Variants in ATP6V1C2 observed in about 807,000 individuals in gnomAD.
ATP6V1C2 encodes V-type proton ATPase subunit C 2.
A neutral mutation model predicts 56.8 loss-of-function variants in ATP6V1C2; 45 were observed. The observed-to-expected ratio is 0.79, with a 90% CI of 0.62 to 1.02. ATP6V1C2 has a LOEUF of 1.02. Among genes scored for constraint, ATP6V1C2 ranks in the 50% least tolerant of loss-of-function variants. The pLI is 0.00. For missense variants in ATP6V1C2, 463 were observed against 519.7 expected, an observed-to-expected ratio of 0.89 and a Z score of 1.06; for synonymous variants, 220 against 201.3, an observed-to-expected ratio of 1.09 and a Z score of -0.79.
At position 10,777,679 on chromosome 2, in the gene ATP6V1C2, C is replaced by T. The variant is rs750384235; in HGVS notation, c.920C>T (p.Ala307Val). The change falls in exon 11 of 14, where the codon GCG becomes GTG. Residue 307 changes from alanine (A) to valine (V), a missense_variant. Transcript: ENST00000272238. Reference protein sequence around the residue: ...TPLGNPDRPAAGQTDRERESE... With the variant: ...TPLGNPDRPAVGQTDRERESE... ...CTAGGTAACCCTGATAGGCCTGCTGCGGGGCAGACCGACAGAGAGAGAGAG... is the reference window on the plus strand; with the variant it reads ...CTAGGTAACCCTGATAGGCCTGCTGTGGGGCAGACCGACAGAGAGAGAGAG... 19 of 1,613,812 alleles carry T rather than the reference C, an allele frequency of 1.2e-5. No individual in the cohort carries two copies. The highest frequency in any genetic ancestry group is 1.1e-4 in the African/African-American group (8 of 74,894).
In ATP6V1C2 at chr2:10,780,314, C is replaced by T. The variant is rs909714478; in HGVS notation, c.1061+1645C>T. 6.6e-6 allele frequency among the ~76,000 whole-genome samples: 1 copy of T among 152,228 alleles called. No individual in the cohort carries two copies. The highest frequency in any genetic ancestry group is 2.4e-5 in the African/African-American group (1 of 41,452). On this transcript the variant is annotated intron_variant, in intron 12 of 13. Coordinates refer to ENST00000272238, the MANE Select transcript of ATP6V1C2 (RefSeq NM_001039362.2). The surrounding 1 kb of genome is among the most constrained non-coding windows in gnomAD (Gnocchi z 4.1). ...ACAGGCCCGGTCCACTCCGCCTTTG[C>T]ACTCTCTCTTTCACGGGTCTGGCCC...
At chr2:10,760,026 T>G (rs1466754669) in intron 4 of ATP6V1C2, among the ~76,000 whole-genome samples, 10 of 93,890 alleles carry the variant, frequency 1.1e-4, no homozygotes, top group South Asian at 3.4e-4. Context: ...GTTTTTTGTT[T>G]TTTGTTTTTT....
chr2:10,740,234 TAA>T (rs1662475593), intron 3 of ATP6V1C2, among the ~76,000 whole-genome samples: 1 of 152,230 alleles, frequency 6.6e-6, no homozygotes, highest in Non-Finnish European at 1.5e-5. Context: ...CAAGTGCTTT[TAA>T]GAAGCTTGGT....
chr2:10,775,263 C>A lies in ATP6V1C2; in HGVS notation c.825+192C>A, dbSNP rs190756770. On this transcript the variant is annotated intron_variant, in intron 10 of 13. Transcript: ENST00000272238. ...GGGAGGGGCGGTGAGCACAAAGGAGCCCAGGCGGTGGAGCTGGGGGCGGGA... is the reference window on the plus strand; with the variant it reads ...GGGAGGGGCGGTGAGCACAAAGGAGACCAGGCGGTGGAGCTGGGGGCGGGA... Among the ~76,000 whole-genome samples, 1,076 of 152,302 alleles carry A rather than the reference C, an allele frequency of 7.1e-3. 5 individuals are homozygous for A. The highest frequency in any genetic ancestry group is 0.012 in the Non-Finnish European group (817 of 68,014).
At chr2:10,721,272 A>C (rs1332916450), upstream of ATP6V1C2, among the ~76,000 whole-genome samples, 2 of 152,156 alleles carry the variant, frequency 1.3e-5, no homozygotes, top group African/African-American at 4.8e-5. Context: ...GTGGGTGGGC[A>C]AGCGGGGCTG....
At chr2:10,762,721 C>T (rs1343125022) in intron 4 of ATP6V1C2, among the ~76,000 whole-genome samples, 2 of 152,114 alleles carry the variant, frequency 1.3e-5, no homozygotes, top group African/African-American at 2.4e-5. Flanking sequence ...CTCCCACCTC[C>T]ATGGCTGCCC....
intron 3 of ATP6V1C2, among the ~76,000 whole-genome samples, chr2:10,745,386 ACT>A (rs1409679862): frequency 1.8e-5 from 2 of 112,582 alleles, no homozygotes; most frequent in Admixed American, 1.8e-4. Flanking sequence ...ACAGAGTCTC[ACT>A]CTGTCGCCCA....
At position 10,780,269 on chromosome 2, in the gene ATP6V1C2, G is replaced by C. The variant is rs1665265657; in HGVS notation, c.1061+1600G>C. Among the ~76,000 whole-genome samples the C allele has an allele frequency of 6.6e-6, 1 of 151,866 alleles. No homozygotes were observed. The highest frequency in any genetic ancestry group is 2.4e-5 in the African/African-American group (1 of 41,306). ...CCCCTTATCAGACCCCAAACTTCAG[G>C]GTCAGTTTAGACACCCCTGACAGGC... is the stretch of plus-strand genomic sequence containing the variant. On this transcript the variant is annotated intron_variant, in intron 12 of 13. Transcript: ENST00000272238. The surrounding 1 kb of genome is among the most constrained non-coding windows in gnomAD (Gnocchi z 4.1).
At chr2:10,735,581 T>C (rs1161795286) in intron 3 of ATP6V1C2, among the ~76,000 whole-genome samples, 5 of 151,526 alleles carry the variant, frequency 3.3e-5, no homozygotes, top group Non-Finnish European at 5.9e-5. Flanking sequence ...ACAAATCTCC[T>C]GGTCTTTTTT....
chr2:10,767,217 G>A (rs1411170486), intron 5 of ATP6V1C2, among the ~76,000 whole-genome samples: 1 of 133,382 alleles, frequency 7.5e-6, no homozygotes, highest in Non-Finnish European at 1.5e-5. Context: ...CTGGAGTGCA[G>A]TGGTGTGATC....
At chr2:10,722,444 C>T (rs77968963) in intron 1 of ATP6V1C2, among the ~76,000 whole-genome samples, 29,898 of 152,126 alleles carry the variant, frequency 0.2, 3,876 homozygotes, top group Non-Finnish European at 0.29. Flanking sequence ...TCCTCCACCC[C>T]ATCCTGCATC....
rs4027224 is a variant in ATP6V1C2 at position 10,776,302 on chromosome 2, A to AGT, written c.825+1241_825+1242dup. ...GTGTGCGCGCGCACGTGCATGTATGAGTGTGTGTGTGGACCTGTGTGTGCA... is the reference window on the plus strand; with the variant it reads ...GTGTGCGCGCGCACGTGCATGTATGAGTGTGTGTGTGTGGACCTGTGTGTGCA... On this transcript the variant is annotated intron_variant, in intron 10 of 13. Transcript: ENST00000272238. Among the ~76,000 whole-genome samples the AGT allele has an allele frequency of 4.6e-5, 7 of 151,818 alleles. No homozygotes were observed. In the East Asian group the frequency reaches 1.4e-3, roughly 30 times the overall value.
chr2:10,743,995 AAAT>A (rs761653246), intron 3 of ATP6V1C2, among the ~76,000 whole-genome samples: 1,935 of 40,360 alleles, frequency 0.048, 26 homozygotes, highest in African/African-American at 0.083. Flanking sequence ...AAAAAAAAAA[AAAT>A]AATAATAATA....
Position 10,783,168 on chromosome 2 carries a change from T to C in ATP6V1C2, c.1195-6T>C. Reference sequence around the variant, plus strand: ...ACTTAGAGCATTACCATGTCTTCTTTTGTAGGCATCTGTGGAGATCCCGGG... The same window carrying C: ...ACTTAGAGCATTACCATGTCTTCTTCTGTAGGCATCTGTGGAGATCCCGGG... On this transcript the variant is annotated splice_polypyrimidine_tract_variant and splice_region_variant and intron_variant, in intron 13 of 13. Coordinates refer to ENST00000272238, the MANE Select transcript of ATP6V1C2 (RefSeq NM_001039362.2). 6.2e-7 allele frequency: 1 copy of C among 1,609,506 alleles called. No individual in the cohort carries two copies. Among genetic ancestry groups the C allele is most frequent in the Non-Finnish European group, 8.5e-7 (1 of 1,175,852 alleles).
chr2:10,757,562 C>T (rs1191472406), intron 4 of ATP6V1C2: 8 of 397,926 alleles, frequency 2.0e-5, no homozygotes, highest in South Asian at 1.3e-4. Flanking sequence ...CAAGTTACCA[C>T]GATTTCTCAA....
intron 4 of ATP6V1C2, among the ~76,000 whole-genome samples, chr2:10,761,318 GA>G (rs1416848328): frequency 6.6e-6 from 1 of 152,070 alleles, no homozygotes; most frequent in Admixed American, 6.6e-5. Flanking sequence ...CAGCTTGTGG[GA>G]TGGCTCTGGG....
At chr2:10,749,602 A>C (rs1455074205) in intron 3 of ATP6V1C2, among the ~76,000 whole-genome samples, 2 of 152,256 alleles carry the variant, frequency 1.3e-5, no homozygotes, top group African/African-American at 4.8e-5. Flanking sequence ...GTGTGAGTGT[A>C]TACTGACTTT....
intron 6 of ATP6V1C2, among the ~76,000 whole-genome samples, chr2:10,769,532 C>G (rs1210238744): frequency 6.6e-6 from 1 of 151,982 alleles, no homozygotes; most frequent in Admixed American, 6.6e-5. Context: ...GGTGAAACCC[C>G]GTCCCTACTA....
chr2:10,784,228 G>A lies in ATP6V1C2; in HGVS notation c.*965G>A, dbSNP rs1558434755. On this transcript the variant is annotated 3_prime_UTR_variant, in exon 14 of 14. Transcript: ENST00000272238. ...AAAAATCCACTGGCTCCCAAGAAAA[G>A]AAAATGGTCTGAAGCCTCTGTTGTG... The A allele has an allele frequency of 6.3e-7, 1 of 1,580,418 alleles. No individual in the cohort carries two copies. The highest frequency in any genetic ancestry group is 1.1e-5 in the South Asian group (1 of 88,114).
Sources: gnomAD v4.1 joint callset for allele counts (sites outside exome capture counted in the v4.1 genomes callset) on GRCh38, gnomAD v4.1.1 for gene constraint, Gnocchi (gnomAD v3.1) non-coding constraint, MANE v1.5 for transcripts, NCBI Gene and HGNC (gene_info 2026-07-23, HGNC 2026-07-21) for gene names.